Variants in CHN2 observed in about 807,000 individuals in gnomAD.
CHN2 encodes the protein beta-chimaerin.
A neutral mutation model predicts 56.3 loss-of-function variants in CHN2; 35 were observed. That is an observed-to-expected ratio of 0.62 (90% CI 0.47 to 0.82). The LOEUF is 0.82. CHN2 is among the 40% of genes least tolerant of loss of function. The pLI is 0.00. For synonymous variants in CHN2, 210 were observed against 212.8 expected, an observed-to-expected ratio of 0.99 and a Z score of 0.12; for missense variants, 491 against 580.5, an observed-to-expected ratio of 0.85 and a Z score of 1.58.
In CHN2 at chr7:29,339,434, A is replaced by G. The variant is rs142626287; in HGVS notation, c.50-15191A>G. 6.6e-3 allele frequency among the ~76,000 whole-genome samples: 1,011 copies of G among 152,302 alleles called. 13 individuals are homozygous for G. The highest frequency in any genetic ancestry group is 0.023 in the African/African-American group (957 of 41,564). On this transcript the variant is annotated intron_variant, in intron 1 of 12. Coordinates refer to ENST00000222792, the MANE Select transcript of CHN2 (RefSeq NM_004067.4). ...AGCTATGCCTCATTTTTAAAATTGA[A>G]CATCTTGGAGAGCTTTCGATATTAG...
At chr7:29,241,880 T>A (rs1787707790) in intron 1 of CHN2, among the ~76,000 whole-genome samples, 1 of 152,062 alleles carries the variant, frequency 6.6e-6, no homozygotes, top group South Asian at 2.1e-4. Flanking sequence ...CTCCCAAAAT[T>A]TATGCCAAGA....
intron 3 of CHN2, among the ~76,000 whole-genome samples, chr7:29,375,447 C>T (rs533821308): frequency 1.7e-4 from 26 of 152,254 alleles, no homozygotes; most frequent in Middle Eastern, 3.4e-3. Flanking sequence ...CCACCCGCCT[C>T]GGCCTCCCAA....
chr7:29,453,965 C>T (rs849928), intron 6 of CHN2, among the ~76,000 whole-genome samples: 4,696 of 151,742 alleles, frequency 0.031, 80 homozygotes, highest in Middle Eastern at 0.07. Context: ...CCTTCCGTCA[C>T]GGCCCGAAAT....
In CHN2 at chr7:29,513,406, G is replaced by C. The variant is rs1791711857; in HGVS notation, c.*671G>C. ...AAGCATTGGCATTCTTCTATTGTAT[G>C]GTATGTATTTATAGCAATTGTAGGA... On this transcript the variant is annotated 3_prime_UTR_variant, in exon 13 of 13. Transcript: ENST00000222792. 1 of 152,574 alleles carries C rather than the reference G, an allele frequency of 6.6e-6. No individual in the cohort carries two copies. The highest frequency in any genetic ancestry group is 2.1e-4 in the South Asian group (1 of 4,834). The allele number at this position is 152,574 out of a possible 1,614,324, so 9.5% of individuals were successfully genotyped here.
intron 5 of CHN2, among the ~76,000 whole-genome samples, chr7:29,399,820 G>C (rs1166238116): frequency 6.6e-6 from 1 of 152,100 alleles, no homozygotes; most frequent in Non-Finnish European, 1.5e-5. Flanking sequence ...ATGCGCTCTA[G>C]GTGTGCAAAA....
intron 6 of CHN2, among the ~76,000 whole-genome samples, chr7:29,459,600 T>C (rs753083753): frequency 5.3e-5 from 8 of 152,286 alleles, no homozygotes; most frequent in Non-Finnish European, 1.0e-4. Flanking sequence ...TAATTCTCTT[T>C]TGAGGTCAAG....
intron 2 of CHN2, among the ~76,000 whole-genome samples, chr7:29,176,036 A>T (rs939874138): frequency 2.0e-5 from 3 of 152,086 alleles, no homozygotes; most frequent in South Asian, 4.1e-4. Context: ...AATACAAAAA[A>T]TTAGCCAGGC....
intron 3 of CHN2, among the ~76,000 whole-genome samples, chr7:29,375,878 G>T (rs1800039962): frequency 6.6e-6 from 1 of 152,200 alleles, no homozygotes; most frequent in Admixed American, 6.5e-5. Context: ...AAGTTTTGGG[G>T]TGTAACCAGG....
At chr7:29,264,723 C>T (rs1336446111) in intron 1 of CHN2, among the ~76,000 whole-genome samples, 2 of 152,112 alleles carry the variant, frequency 1.3e-5, no homozygotes, top group East Asian at 3.9e-4. Context: ...CCTTTGTTCA[C>T]GTTTGTCTGC....
At chr7:29,168,028 A>G (rs930016737) in intron 2 of CHN2, among the ~76,000 whole-genome samples, 12 of 152,196 alleles carry the variant, frequency 7.9e-5, no homozygotes, top group African/African-American at 2.2e-4. Context: ...TAAACTGGAC[A>G]TTTGTGTGAG....
chr7:29,483,023 G>A (rs1213092445), intron 7 of CHN2, among the ~76,000 whole-genome samples: 2 of 151,424 alleles, frequency 1.3e-5, no homozygotes, highest in East Asian at 2.0e-4. Context: ...GGGTTTCACC[G>A]TGTTAGCCAA....
At position 29,482,823 on chromosome 7, in the gene CHN2, T is replaced by C. The variant is rs1431448155; in HGVS notation, c.654+2467T>C. 1.0e-3 allele frequency among the ~76,000 whole-genome samples: 89 copies of C among 85,706 alleles called. 3 individuals are homozygous for C. In the South Asian group the frequency reaches 0.011, roughly 10 times the overall value. 56.2% of individuals were successfully genotyped at this position (85,706 alleles called of 152,430 possible). On this transcript the variant is annotated intron_variant, in intron 7 of 12. Transcript: ENST00000222792. ...TTTTTTTTTTTTTTTTTTTTTTTTTTTTTTTTTTTTTTTTTTGAGACGGAG... is the reference window on the plus strand; with the variant it reads ...TTTTTTTTTTTTTTTTTTTTTTTTTCTTTTTTTTTTTTTTTTGAGACGGAG...
At chr7:29,351,682 C>T (rs748629374) in intron 1 of CHN2, among the ~76,000 whole-genome samples, 5 of 151,942 alleles carry the variant, frequency 3.3e-5, no homozygotes, top group Admixed American at 6.6e-5. Context: ...GTCAAGGACT[C>T]GAAAGAGCTT....
At chr7:29,348,062 G>T (rs1797596939) in intron 1 of CHN2, among the ~76,000 whole-genome samples, 3 of 149,268 alleles carry the variant, frequency 2.0e-5, no homozygotes, top group Admixed American at 1.4e-4. Context: ...GACTTTTTCT[G>T]TTTTTCAGCA....
At chr7:29,424,221 A>AAATAG (rs1804621426) in intron 6 of CHN2, among the ~76,000 whole-genome samples, 2 of 151,454 alleles carry the variant, frequency 1.3e-5, no homozygotes, top group African/African-American at 4.9e-5. Context: ...TTTTTAAATT[A>AAATAG]GTTCCATGCA....
chr7:29,250,837 A>G (rs1194264978), intron 1 of CHN2, among the ~76,000 whole-genome samples: 1 of 151,202 alleles, frequency 6.6e-6, no homozygotes, highest in African/African-American at 2.4e-5. Context: ...CAGCCTCTCA[A>G]GCAGCTGGGA....
intron 6 of CHN2, among the ~76,000 whole-genome samples, chr7:29,470,666 C>A (rs1785948364): frequency 6.6e-6 from 1 of 152,140 alleles, no homozygotes; most frequent in Non-Finnish European, 1.5e-5. Context: ...TGCTGCTTTG[C>A]AAATTGCCAT....
intron 1 of CHN2, among the ~76,000 whole-genome samples, chr7:29,343,538 AC>A (rs1399815707): frequency 6.6e-6 from 1 of 150,804 alleles, no homozygotes; most frequent in Non-Finnish European, 1.5e-5. Context: ...GTCATGAGAA[AC>A]CCCCATGTTG....
chr7:29,509,422 G>T lies in CHN2; in HGVS notation c.1235+16G>T, dbSNP rs191648989. 9.0e-5 allele frequency: 144 copies of T among 1,594,740 alleles called. No individual in the cohort carries two copies. In the African/African-American group the frequency reaches 1.6e-3, roughly 18 times the overall value. On this transcript the variant is annotated intron_variant, in intron 12 of 12. Coordinates refer to ENST00000222792, the MANE Select transcript of CHN2 (RefSeq NM_004067.4). ...ACCTCAAAAAGTAAGCTCATGTCTC[G>T]TGCACAAAGCCTGCTCTGCTCCTAG... is the stretch of plus-strand genomic sequence containing the variant.
Sources: allele counts gnomAD v4.1 joint callset (sites outside exome capture counted in the v4.1 genomes callset), GRCh38; gene constraint gnomAD v4.1.1; transcripts MANE v1.5; gene names NCBI Gene and HGNC (gene_info 2026-07-23, HGNC 2026-07-21).